PDE7B: variants seen among roughly 807,000 people sequenced by gnomAD.
The protein encoded by PDE7B is 3',5'-cyclic-AMP phosphodiesterase 7B.
In PDE7B, 29 loss-of-function variants were observed where a neutral mutation model predicts 56.2. That is an observed-to-expected ratio of 0.52 (90% CI 0.38 to 0.70). PDE7B has a LOEUF of 0.70. Among genes scored for constraint, PDE7B ranks in the 30% least tolerant of loss-of-function variants. The pLI is 0.00. For missense variants in PDE7B, 490 were observed against 565.0 expected, an observed-to-expected ratio of 0.87 and a Z score of 1.35; for synonymous variants, 197 against 196.9, an observed-to-expected ratio of 1.00 and a Z score of 0.00.
chr6:136,160,286 G>A (rs867024641), intron 8 of PDE7B, among the ~76,000 whole-genome samples: 6 of 152,240 alleles, frequency 3.9e-5, no homozygotes, highest in Non-Finnish European at 8.8e-5. Context: ...ACCGGTTAGG[G>A]TTTCAAAGGA....
At chr6:136,180,762 A>T (rs1779050483) in intron 10 of PDE7B, among the ~76,000 whole-genome samples, 1 of 152,232 alleles carries the variant, frequency 6.6e-6, no homozygotes, top group Admixed American at 6.5e-5. Flanking sequence ...TCATTCCCTG[A>T]CTGGCAGTCT....
At chr6:136,004,692 G>A (rs183648935) in intron 2 of PDE7B, among the ~76,000 whole-genome samples, 1 of 151,996 alleles carries the variant, frequency 6.6e-6, no homozygotes, top group South Asian at 2.1e-4. Flanking sequence ...CACTGCTCAA[G>A]GAAATAAAAG....
At position 136,049,669 on chromosome 6, in the gene PDE7B, T is replaced by G. The variant is rs139097052; in HGVS notation, c.83-59062T>G. Among the ~76,000 whole-genome samples the G allele has an allele frequency of 3.3e-3, 503 of 152,074 alleles. 9 individuals carry two copies. Among genetic ancestry groups the G allele is most frequent in the African/African-American group, 0.011 (471 of 41,472 alleles). ...TAAGATCTCAACAAGATGTGAGAAA[T>G]TTGGTGAGGGAATAAACGTGAACAT... On this transcript the variant is annotated intron_variant, in intron 2 of 12. Coordinates refer to ENST00000308191, the MANE Select transcript of PDE7B (RefSeq NM_018945.4).
chr6:135,929,296 A>G (rs752087189), intron 1 of PDE7B, among the ~76,000 whole-genome samples: 5 of 152,110 alleles, frequency 3.3e-5, no homozygotes, highest in Non-Finnish European at 7.4e-5. Context: ...ACTTACAATG[A>G]GCGTACGGGA....
At chr6:135,993,991 A>G (rs1277225557) in intron 2 of PDE7B, among the ~76,000 whole-genome samples, 4 of 152,234 alleles carry the variant, frequency 2.6e-5, no homozygotes, top group African/African-American at 4.8e-5. Context: ...AACAGCTTGC[A>G]GAAATCTAAG....
At position 136,096,859 on chromosome 6, in the gene PDE7B, T is replaced by TTC. The variant is rs141459205; in HGVS notation, c.83-11856_83-11855dup. Among the ~76,000 whole-genome samples the TTC allele has an allele frequency of 6.9e-4, 103 of 150,262 alleles. No individual in the cohort carries two copies. In the East Asian group the frequency reaches 9.9e-3, roughly 14 times the overall value. On this transcript the variant is annotated intron_variant, in intron 2 of 12. Transcript: ENST00000308191. ...CCATGTGATGCCCAAAGGACTATGC[T>TTC]TCTCTCTCTCTCTCTCTGTGTCTCT... is the stretch of plus-strand genomic sequence containing the variant.
At chr6:136,179,593 G>A (rs759241192) in intron 10 of PDE7B, among the ~76,000 whole-genome samples, 1 of 152,200 alleles carries the variant, frequency 6.6e-6, no homozygotes, top group African/African-American at 2.4e-5. Context: ...GCTGGATGCA[G>A]TAAAGGTCTA....
intron 2 of PDE7B, among the ~76,000 whole-genome samples, chr6:135,965,320 G>C (rs1276329297): frequency 6.6e-6 from 1 of 152,176 alleles, no homozygotes; most frequent in African/African-American, 2.4e-5. Flanking sequence ...AGCAGGATCT[G>C]CTCAGGATCT....
intron 8 of PDE7B, among the ~76,000 whole-genome samples, chr6:136,172,339 G>A (rs1218034662): frequency 1.3e-5 from 2 of 152,208 alleles, no homozygotes; most frequent in Admixed American, 1.3e-4. Context: ...TCTAACTGGT[G>A]TGAGATGGTA....
chr6:136,052,613 T>A (rs1018889947), intron 2 of PDE7B, among the ~76,000 whole-genome samples: 9 of 113,038 alleles, frequency 8.0e-5, no homozygotes, highest in Non-Finnish European at 1.4e-4. Context: ...AAAGTTAGGG[T>A]ACAGCCCCCC....
rs148676970 is a variant in PDE7B, at chr6:136,181,293, G to C, written c.1015G>C (p.Glu339Gln). ...RIWEMSKQWS[E>Q]RVCEEFYRQG... ...CTGGGAGATGAGCAAGCAGTGGAGT[G>C]AAAGGGTCTGTGAAGAATTCTACAG... Residue 339 changes from glutamate to glutamine, a missense_variant, in exon 11 of 13, where the codon GAA becomes CAA. Coordinates refer to ENST00000308191, the MANE Select transcript of PDE7B (RefSeq NM_018945.4). The C allele has an allele frequency of 5.0e-6, 8 of 1,612,868 alleles. No homozygotes were observed. Among genetic ancestry groups the C allele is most frequent in the Middle Eastern group, 1.7e-4 (1 of 6,060 alleles).
intron 8 of PDE7B, among the ~76,000 whole-genome samples, chr6:136,160,901 CAAAT>C (rs1458078896): frequency 6.6e-6 from 1 of 151,920 alleles, no homozygotes; most frequent in Non-Finnish European, 1.5e-5. Context: ...ATGAACAAAA[CAAAT>C]AAAAAAGTCT....
chr6:135,892,595 A>G (rs748687486), intron 1 of PDE7B, among the ~76,000 whole-genome samples: 1 of 152,152 alleles, frequency 6.6e-6, no homozygotes, highest in Non-Finnish European at 1.5e-5. Context: ...ATCGGGTAAT[A>G]GGAATATATT....
chr6:135,872,276 T>C (rs1295034040), intron 1 of PDE7B, among the ~76,000 whole-genome samples: 1 of 152,210 alleles, frequency 6.6e-6, no homozygotes, highest in African/African-American at 2.4e-5. Context: ...CACAGCATCA[T>C]TCAGTGTACT....
intron 2 of PDE7B, among the ~76,000 whole-genome samples, chr6:135,948,284 A>G (rs1432218977): frequency 2.0e-5 from 3 of 152,042 alleles, no homozygotes; most frequent in Non-Finnish European, 4.4e-5. Flanking sequence ...AATTCATTAT[A>G]GTAATAGAAG....
intron 2 of PDE7B, among the ~76,000 whole-genome samples, chr6:135,989,754 T>A (rs1775447823): frequency 6.6e-6 from 1 of 152,140 alleles, no homozygotes; most frequent in Non-Finnish European, 1.5e-5. Flanking sequence ...TTAATTACAA[T>A]GGTTTATGTT....
chr6:136,111,159 T>C (rs1777740598), intron 3 of PDE7B: 1 of 152,134 alleles, frequency 6.6e-6, no homozygotes, highest in Non-Finnish European at 1.5e-5. Flanking sequence ...CCTTTATAGG[T>C]GGTCTCCAGT....
At chr6:136,057,001 GC>G (rs1228336140) in intron 2 of PDE7B, among the ~76,000 whole-genome samples, 1 of 152,042 alleles carries the variant, frequency 6.6e-6, no homozygotes. Context: ...GAGCCCAATG[GC>G]CCTGTATCTT....
chr6:136,104,076 G>A (rs1008616103), intron 2 of PDE7B, among the ~76,000 whole-genome samples: 1 of 152,154 alleles, frequency 6.6e-6, no homozygotes, highest in East Asian at 1.9e-4. Flanking sequence ...AGGGGCTGTC[G>A]TCAGGTCAGG....
Sources: allele counts gnomAD v4.1 joint callset (sites outside exome capture counted in the v4.1 genomes callset), GRCh38; gene constraint gnomAD v4.1.1; transcripts MANE v1.5; gene names NCBI Gene and HGNC (gene_info 2026-07-23, HGNC 2026-07-21).